Variants in KIF13A observed in about 807,000 individuals in gnomAD.
The protein encoded by KIF13A is kinesin family member 13A.
In KIF13A, 79 loss-of-function variants were observed where a neutral mutation model predicts 212.2. The observed-to-expected ratio is 0.37, with a 90% confidence interval of 0.31 to 0.45. The LOEUF (loss-of-function observed/expected upper bound fraction) is 0.45, where lower values mean the gene tolerates loss of function less well. Among genes scored for constraint, KIF13A ranks in the 20% least tolerant of loss-of-function variants. The pLI is 1.00. For missense variants in KIF13A, 1,901 were observed against 2,209.0 expected (o/e 0.86, Z 2.79); for synonymous variants, 789 against 808.6 (o/e 0.98, Z 0.41).
At chr6:17,857,358 CT>C (rs1291144791) in intron 4 of KIF13A, among the ~76,000 whole-genome samples, 1 of 152,162 alleles carries the variant, frequency 6.6e-6, no homozygotes, top group Admixed American at 6.5e-5. Flanking sequence ...GCAGTTTCCC[CT>C]ATGCTGTTCT....
chr6:17,923,798 C>G (rs868814881), intron 2 of KIF13A, among the ~76,000 whole-genome samples: 1 of 152,182 alleles, frequency 6.6e-6, no homozygotes. Flanking sequence ...AGTGTCTGAG[C>G]TAAGAATATA....
At chr6:17,835,605 T>A (rs954956170) in intron 11 of KIF13A, among the ~76,000 whole-genome samples, 11 of 152,288 alleles carry the variant, frequency 7.2e-5, no homozygotes, top group Admixed American at 3.3e-4. Flanking sequence ...AATGTTAGGC[T>A]AGGGGTTGGG....
chr6:17,849,526 T>A lies in KIF13A; in HGVS notation c.718-37A>T. On this transcript the variant is annotated intron_variant, in intron 8 of 38. Transcript: ENST00000259711. The surrounding 1 kb of genome is among the most constrained non-coding windows in gnomAD (Gnocchi z 5.7). ...AAACGAGAGAGAGAAGAAAAACTTA[T>A]CAATAAAAACCACATGGATATCTAC... The A allele has an allele frequency of 6.6e-7, 1 of 1,507,086 alleles. No individual in the cohort carries two copies. The highest frequency in any genetic ancestry group is 9.2e-7 in the Non-Finnish European group (1 of 1,090,574). 93.4% of individuals were successfully genotyped at this position (1,507,086 alleles called of 1,614,324 possible).
intron 9 of KIF13A, among the ~76,000 whole-genome samples, chr6:17,848,277 C>T (rs1767270434): frequency 6.6e-6 from 1 of 152,114 alleles, no homozygotes; most frequent in Admixed American, 6.5e-5. Context: ...ATCCACTTTC[C>T]TAGCTATTTG....
chr6:17,968,660 G>A lies in KIF13A; in HGVS notation c.146+18394C>T, dbSNP rs1320678980. Among the ~76,000 whole-genome samples the A allele has an allele frequency of 2.0e-5, 3 of 152,174 alleles. No individual in the cohort carries two copies. In the East Asian group the frequency reaches 5.8e-4, roughly 29 times the overall value. On this transcript the variant is annotated intron_variant, in intron 2 of 38. Coordinates refer to ENST00000259711, the MANE Select transcript of KIF13A (RefSeq NM_022113.6). This position sits in a 1 kb window ranked among gnomAD's most constrained non-coding sequence, Gnocchi z 4.7. Reference sequence around the variant, plus strand: ...TCAAAGACTGGTGACCTCCTGGCTGGACCAACCATTACTTATCTCATGTAG... The same window carrying A: ...TCAAAGACTGGTGACCTCCTGGCTGAACCAACCATTACTTATCTCATGTAG...
intron 20 of KIF13A, 70 bp from the exon 21 acceptor site, chr6:17,800,183 G>A (rs751445283): frequency 2.1e-5 from 31 of 1,467,062 alleles, no homozygotes; most frequent in African/African-American, 7.0e-5. Context: ...CAAGACAGAC[G>A]TGCCTTCTAC....
rs199640302 is a variant in KIF13A, at chr6:17,785,659, G to A, written c.3362-18C>T. On this transcript the variant is annotated intron_variant, in intron 27 of 38. Coordinates refer to ENST00000259711, the MANE Select transcript of KIF13A (RefSeq NM_022113.6). This position sits in a 1 kb window ranked among gnomAD's most constrained non-coding sequence, Gnocchi z 5.8. Reference sequence around the variant, plus strand: ...TGTTTTCTCTGCAGAAAAAAATGAGGAGATCAATGCCAACAAGAGAGAAAG... The same window carrying A: ...TGTTTTCTCTGCAGAAAAAAATGAGAAGATCAATGCCAACAAGAGAGAAAG... 12 of 1,595,128 alleles carry A rather than the reference G, an allele frequency of 7.5e-6. No individual in the cohort carries two copies. In the East Asian group the frequency reaches 1.8e-4, roughly 24 times the overall value.
intron 17 of KIF13A, among the ~76,000 whole-genome samples, chr6:17,814,915 A>G (rs924870486): frequency 6.6e-6 from 1 of 152,228 alleles, no homozygotes; most frequent in Non-Finnish European, 1.5e-5. Flanking sequence ...TAAAGACACA[A>G]GACAAAGAGA....
In KIF13A at chr6:17,849,345, C is replaced by A; in HGVS notation, c.830+32G>T. The A allele has an allele frequency of 6.7e-7, 1 of 1,483,976 alleles. No homozygotes were observed. The highest frequency in any genetic ancestry group is 9.4e-7 in the Non-Finnish European group (1 of 1,069,340). The allele number at this position is 1,483,976 out of a possible 1,614,324, so 91.9% of individuals were successfully genotyped here. On this transcript the variant is annotated intron_variant, in intron 9 of 38. Transcript: ENST00000259711. The surrounding 1 kb of genome is among the most constrained non-coding windows in gnomAD (Gnocchi z 5.7). ...CAACAAATCCCCTCCAGAAGGAAAT[C>A]ACCCAGGCTGTTCTGGGACCAGCCA...
intron 3 of KIF13A, among the ~76,000 whole-genome samples, chr6:17,878,179 T>G (rs182470314): frequency 6.6e-6 from 1 of 152,224 alleles, no homozygotes; most frequent in Admixed American, 6.5e-5. Context: ...CACAAAAATG[T>G]AACAGCAAGG....
At chr6:17,842,955 C>T (rs1766669811) in intron 9 of KIF13A, among the ~76,000 whole-genome samples, 1 of 151,796 alleles carries the variant, frequency 6.6e-6, no homozygotes, top group South Asian at 2.1e-4. Context: ...ATATGATGTA[C>T]ATATTATCTG....
intron 2 of KIF13A, among the ~76,000 whole-genome samples, chr6:17,976,111 C>A (rs1483014194): frequency 6.6e-6 from 1 of 152,260 alleles, no homozygotes; most frequent in Non-Finnish European, 1.5e-5. Context: ...TCACTAGACT[C>A]AGGAGCCCAG....
intron 3 of KIF13A, among the ~76,000 whole-genome samples, chr6:17,893,876 G>C (rs1396555223): frequency 1.8e-5 from 2 of 113,134 alleles, no homozygotes; most frequent in Admixed American, 1.3e-4. Context: ...GTCTTGCTCT[G>C]TCGCCCAGGC....
chr6:17,922,007 A>C (rs1219910424), intron 2 of KIF13A, among the ~76,000 whole-genome samples: 1 of 152,220 alleles, frequency 6.6e-6, no homozygotes, highest in Non-Finnish European at 1.5e-5. Flanking sequence ...CAATACATTG[A>C]ACTTTTAATT....
chr6:17,938,500 T>C (rs1175778437), intron 2 of KIF13A, among the ~76,000 whole-genome samples: 1 of 152,198 alleles, frequency 6.6e-6, no homozygotes, highest in Non-Finnish European at 1.5e-5. Context: ...CCCTCTCCAG[T>C]TGCCCAGTCT....
Position 17,839,534 on chromosome 6 carries a change from C to T in KIF13A, c.831-1951G>A, listed in dbSNP as rs766298481. Among the ~76,000 whole-genome samples, 1 of 152,100 alleles carries T rather than the reference C, an allele frequency of 6.6e-6. No individual in the cohort carries two copies. Among genetic ancestry groups the T allele is most frequent in the Non-Finnish European group, 1.5e-5 (1 of 68,026 alleles). On this transcript the variant is annotated intron_variant, in intron 9 of 38. Coordinates refer to ENST00000259711, the MANE Select transcript of KIF13A (RefSeq NM_022113.6). This position sits in a 1 kb window ranked among gnomAD's most constrained non-coding sequence, Gnocchi z 4.3. The stretch of plus-strand genomic sequence containing the variant: ...GGATGAACCCTGGCAAATTATTTTA[C>T]GTGAAAGAAGCCAAACACAAAAGGC...
chr6:17,939,300 T>C (rs1407422292), intron 2 of KIF13A, among the ~76,000 whole-genome samples: 1 of 152,244 alleles, frequency 6.6e-6, no homozygotes, highest in Non-Finnish European at 1.5e-5. Context: ...TGAAATCCAA[T>C]ATTCAGTACA....
At position 17,982,665 on chromosome 6, in the gene KIF13A, C is replaced by T. The variant is rs1277819360; in HGVS notation, c.146+4389G>A. Among the ~76,000 whole-genome samples the T allele has an allele frequency of 2.0e-5, 3 of 152,032 alleles. No homozygotes were observed. Among genetic ancestry groups the T allele is most frequent in the Non-Finnish European group, 2.9e-5 (2 of 68,000 alleles). On this transcript the variant is annotated intron_variant, in intron 2 of 38. Transcript: ENST00000259711. This position sits in a 1 kb window ranked among gnomAD's most constrained non-coding sequence, Gnocchi z 5.1. ...TTAGATATGCACTTTATTTTGGAGT[C>T]TTACCTTACAATTCACTTACATAAA...
At position 17,947,063 on chromosome 6, in the gene KIF13A, A is replaced by G. The variant is rs1483404397; in HGVS notation, c.146+39991T>C. The stretch of plus-strand genomic sequence containing the variant: ...CAGATGAGCAAATAAAGTGTGACGA[A>G]AAGTTCAAAAAGTAGCATTCCATTT... On this transcript the variant is annotated intron_variant, in intron 2 of 38. Transcript: ENST00000259711. This position sits in a 1 kb window ranked among gnomAD's most constrained non-coding sequence, Gnocchi z 4.6. Among the ~76,000 whole-genome samples, 2 of 152,236 alleles carry G rather than the reference A, an allele frequency of 1.3e-5. No individual in the cohort carries two copies. The highest frequency in any genetic ancestry group is 4.8e-5 in the African/African-American group (2 of 41,472).
Sources: allele counts gnomAD v4.1 joint callset (sites outside exome capture counted in the v4.1 genomes callset), GRCh38; gene constraint gnomAD v4.1.1; non-coding constraint Gnocchi (gnomAD v3.1); transcripts MANE v1.5; gene names NCBI Gene and HGNC (gene_info 2026-07-23, HGNC 2026-07-21).